Variants in ATP2A2 observed in about 807,000 individuals in gnomAD.
ATP2A2 encodes ATPase sarcoplasmic/endoplasmic reticulum Ca2+ transporting 2, also known as sarcoplasmic/endoplasmic reticulum calcium ATPase 2.
A neutral mutation model predicts 109.3 loss-of-function variants in ATP2A2; 14 were observed. The ratio of observed to expected loss-of-function variants is 0.13; its 90% CI spans 0.08 to 0.20. The LOEUF is 0.20. Ranked by LOEUF, ATP2A2 falls within the 10% of genes least tolerant of loss-of-function variation. The pLI, the probability that ATP2A2 is intolerant of heterozygous loss-of-function variation, is 1.00. For synonymous variants in ATP2A2, 506 were observed against 490.9 expected (o/e 1.03, Z -0.41); for missense variants, 657 against 1,321.6 (o/e 0.50, Z 7.80).
At chr12:110,319,549 C>T (rs1202676765) in intron 5 of ATP2A2, among the ~76,000 whole-genome samples, 1 of 150,056 alleles carries the variant, frequency 6.7e-6, no homozygotes, top group Non-Finnish European at 1.5e-5. Context: ...TTTAGTAGAC[C>T]TTTATAAAGG....
chr12:110,308,626 A>G (rs1465074327), intron 5 of ATP2A2, among the ~76,000 whole-genome samples: 1 of 152,228 alleles, frequency 6.6e-6, no homozygotes, highest in African/African-American at 2.4e-5. Context: ...AAGACTATAC[A>G]CGTTGAGCCT....
intron 4 of ATP2A2, among the ~76,000 whole-genome samples, chr12:110,293,713 T>G (rs1352800032): frequency 6.6e-6 from 1 of 151,706 alleles, no homozygotes; most frequent in African/African-American, 2.4e-5. Context: ...TAAACATACT[T>G]AGTCCTGTTG....
At chr12:110,300,723 G>A (rs565945489) in intron 5 of ATP2A2, among the ~76,000 whole-genome samples, 5 of 150,222 alleles carry the variant, frequency 3.3e-5, no homozygotes, top group Admixed American at 6.7e-5. Context: ...GGGCTCAAGC[G>A]ATCCTCCTCC....
At chr12:110,325,278 G>A (rs765479584) in intron 6 of ATP2A2, among the ~76,000 whole-genome samples, 2 of 152,026 alleles carry the variant, frequency 1.3e-5, no homozygotes, top group African/African-American at 2.4e-5. Context: ...GTAACTTAAA[G>A]TAACATTTAG....
At chr12:110,323,613 G>A (rs1194923336) in intron 6 of ATP2A2, among the ~76,000 whole-genome samples, 2 of 152,126 alleles carry the variant, frequency 1.3e-5, no homozygotes, top group South Asian at 2.1e-4. Flanking sequence ...AGTTAAAGAC[G>A]GGCCTGGGCA....
chr12:110,345,749 A>G (rs1299247087), intron 18 of ATP2A2: 3 of 595,660 alleles, frequency 5.0e-6, no homozygotes, highest in African/African-American at 3.7e-5. Context: ...CCAAGTCTCC[A>G]GGGCAATTGG....
Position 110,281,854 on chromosome 12 carries a change from C to A in ATP2A2, c.65C>A (p.Thr22Lys). Residue 22 changes from threonine to lysine, a missense_variant, in exon 1 of 20, where the codon ACG (threonine) becomes AAG (lysine). Around this residue, in one of 9 missense-constraint regions of ATP2A2, gnomAD observed 64 missense variants for 65.4 expected, o/e 0.98. Transcript: ENST00000539276. ...GGCCACTTCGGCGTCAACGAGAGTACGGGGCTGAGCCTGGAACAGGTCAAG... is the reference window on the plus strand; with the variant it reads ...GGCCACTTCGGCGTCAACGAGAGTAAGGGGCTGAGCCTGGAACAGGTCAAG... ...VLGHFGVNES[T>K]GLSLEQVKKL... 1 of 1,572,196 alleles carries A rather than the reference C, an allele frequency of 6.4e-7. No homozygotes were observed. The highest frequency in any genetic ancestry group is 8.6e-7 in the Non-Finnish European group (1 of 1,161,114).
intron 5 of ATP2A2, among the ~76,000 whole-genome samples, chr12:110,314,860 G>A (rs1286989697): frequency 6.6e-6 from 1 of 151,036 alleles, no homozygotes; most frequent in African/African-American, 2.4e-5. Flanking sequence ...AAATCCAGAA[G>A]ATACACTTTT....
At chr12:110,306,993 A>G (rs1309448889) in intron 5 of ATP2A2, among the ~76,000 whole-genome samples, 1 of 151,142 alleles carries the variant, frequency 6.6e-6, no homozygotes, top group East Asian at 2.0e-4. Context: ...TCCTGGGCTC[A>G]AGTGATTCAC....
chr12:110,303,869 A>T (rs1874957398), intron 5 of ATP2A2, among the ~76,000 whole-genome samples: 1 of 152,184 alleles, frequency 6.6e-6, no homozygotes, highest in Non-Finnish European at 1.5e-5. Context: ...CCTTCAATAC[A>T]ATTATTGAAT....
rs970648235 is a variant in ATP2A2 at position 110,309,545 on chromosome 12, C to T, written c.463+12808C>T. 2.6e-5 allele frequency among the ~76,000 whole-genome samples: 4 copies of T among 152,090 alleles called. No individual in the cohort carries two copies. In the East Asian group the frequency reaches 5.8e-4, roughly 22 times the overall value. On this transcript the variant is annotated intron_variant, in intron 5 of 19. Coordinates refer to ENST00000539276, the MANE Select transcript of ATP2A2 (RefSeq NM_170665.4). Reference sequence around the variant, plus strand: ...ATACATAGCAAATGCTAATGTGAGTCTTAAGTATCTAGAACACAAGAGCCA... The same window carrying T: ...ATACATAGCAAATGCTAATGTGAGTTTTAAGTATCTAGAACACAAGAGCCA...
At chr12:110,331,024 A>T (rs1878280094) in intron 8 of ATP2A2, 1 of 152,120 alleles carries the variant, frequency 6.6e-6, no homozygotes. Context: ...CGGGCGGATC[A>T]CCTGAGGTCA....
At chr12:110,296,832 T>C (rs1238202688) in intron 5 of ATP2A2, 95 bp downstream of exon 5, 3 of 1,364,588 alleles carry the variant, frequency 2.2e-6, no homozygotes, top group Non-Finnish European at 2.0e-6. Context: ...AATAATTGTT[T>C]TCATGTATCA....
chr12:110,335,957 T>C (rs1878801813), intron 11 of ATP2A2, among the ~76,000 whole-genome samples: 1 of 152,218 alleles, frequency 6.6e-6, no homozygotes, highest in Non-Finnish European at 1.5e-5. Flanking sequence ...CCTCCTACAC[T>C]ATCTTAGAGT....
At position 110,346,641 on chromosome 12, in the gene ATP2A2, C is replaced by CT; in HGVS notation, c.*177dup. On this transcript the variant is annotated 3_prime_UTR_variant, in exon 20 of 20. Transcript: ENST00000539276. ...CTGACTCCAGTGGGGCAAGATTTTC[C>CT]TTTTTTATACACATAATTAAAGTGT... 3 of 1,465,050 alleles carry CT rather than the reference C, an allele frequency of 2.0e-6. No individual in the cohort carries two copies. Among genetic ancestry groups the CT allele is most frequent in the Non-Finnish European group, 2.7e-6 (3 of 1,118,598 alleles). The allele number at this position is 1,465,050 out of a possible 1,614,324, so 90.8% of individuals were successfully genotyped here. A position where few individuals can be genotyped will look rare whatever the true frequency, so the allele number is the denominator to read the frequency against.
Position 110,347,458 on chromosome 12 carries a change from G to C in ATP2A2, c.*988G>C. On this transcript the variant is annotated 3_prime_UTR_variant, in exon 20 of 20. Transcript: ENST00000539276. ...AGAAGGCTCCTGCTCTGCTGTGTAG[G>C]TAGTCATAGGAATTGTATTCTTAAT... 7.8e-7 allele frequency: 1 copy of C among 1,289,014 alleles called. No individual in the cohort carries two copies. The highest frequency in any genetic ancestry group is 1.2e-5 in the South Asian group (1 of 81,022). 79.8% of individuals were successfully genotyped at this position (1,289,014 alleles called of 1,614,324 possible).
At position 110,347,561 on chromosome 12, in the gene ATP2A2, A is replaced by AGTGTGTATGT; in HGVS notation, c.*1108_*1117dup. ...GCCTGGTATAGAGAACATAAGGGCA[A>AGTGTGTATGT]GTGTGTATGTGTGTGTATGTGTGTG... On this transcript the variant is annotated 3_prime_UTR_variant, in exon 20 of 20. Transcript: ENST00000539276. 1 of 1,284,528 alleles carries AGTGTGTATGT rather than the reference A, an allele frequency of 7.8e-7. No homozygotes were observed. Among genetic ancestry groups the AGTGTGTATGT allele is most frequent in the Admixed American group, 2.3e-5 (1 of 43,316 alleles). 79.6% of individuals were successfully genotyped at this position (1,284,528 alleles called of 1,614,324 possible). A position where few individuals can be genotyped will look rare whatever the true frequency, so the allele number is the denominator to read the frequency against.
intron 5 of ATP2A2, among the ~76,000 whole-genome samples, chr12:110,317,317 A>T (rs1876770606): frequency 6.6e-6 from 1 of 152,244 alleles, no homozygotes; most frequent in Non-Finnish European, 1.5e-5. Flanking sequence ...AGATTTTAAT[A>T]ACTGGTGTTT....
Position 110,293,383 on chromosome 12 carries a change from T to G in ATP2A2, c.324+1259T>G, listed in dbSNP as rs1364140845. ...ACTCCCGGCCTTTTTTTTTTTTTTT[T>G]TTTTTGTTTGTTTGTTTGTTTGTTT... is the stretch of plus-strand genomic sequence containing the variant. On this transcript the variant is annotated intron_variant, in intron 4 of 19. Coordinates refer to ENST00000539276, the MANE Select transcript of ATP2A2 (RefSeq NM_170665.4). Among the ~76,000 whole-genome samples the G allele has an allele frequency of 1.0e-4, 13 of 125,014 alleles. No homozygotes were observed. The South Asian group carries it at 3.3e-3, about 31-fold the overall frequency. 82.0% of individuals were successfully genotyped at this position (125,014 alleles called of 152,430 possible). A position where few individuals can be genotyped will look rare whatever the true frequency, so the allele number is the denominator to read the frequency against.
Sources: allele counts gnomAD v4.1 joint callset (sites outside exome capture counted in the v4.1 genomes callset), GRCh38; gene constraint gnomAD v4.1.1; regional missense constraint gnomAD v4.1.1; transcripts MANE v1.5; gene names NCBI Gene and HGNC (gene_info 2026-07-23, HGNC 2026-07-21).